TMEM114: variants seen among roughly 807,000 people sequenced by gnomAD.
TMEM114 encodes the protein claudin-26.
TMEM114 carries 6 observed loss-of-function variants against 6.2 expected under a neutral mutation model. The observed-to-expected ratio is 0.97, with a 90% CI of 0.53 to 1.91. The LOEUF (loss-of-function observed/expected upper bound fraction) is 1.91. TMEM114 is among the 40% of genes most tolerant of loss of function. The pLI is 0.01. For synonymous variants in TMEM114, 104 were observed against 73.0 expected (o/e 1.42, Z -2.16); for missense variants, 218 against 158.3 (o/e 1.38, Z -2.02).
intron 2 of TMEM114, among the ~76,000 whole-genome samples, chr16:8,587,744 A>G (rs1902359641): frequency 6.6e-6 from 1 of 152,216 alleles, no homozygotes; most frequent in South Asian, 2.1e-4. Flanking sequence ...TTGAGAGACT[A>G]AGGCAGGAAG....
intron 2 of TMEM114, among the ~76,000 whole-genome samples, chr16:8,558,697 C>G (rs1013858718): frequency 1.3e-5 from 2 of 152,104 alleles, no homozygotes; most frequent in Non-Finnish European, 2.9e-5. Flanking sequence ...CTCAGGGCCC[C>G]ATTGACAGAA....
intron 2 of TMEM114, among the ~76,000 whole-genome samples, chr16:8,555,417 T>C (rs1235788838): frequency 1.3e-5 from 2 of 152,170 alleles, no homozygotes; most frequent in South Asian, 2.1e-4. Flanking sequence ...TTTAATGATA[T>C]ACTAATTAAG....
intron 3 of TMEM114, 56 bp downstream of exon 3, chr16:8,572,031 C>T: frequency 6.8e-7 from 1 of 1,473,862 alleles, no homozygotes; most frequent in Non-Finnish European, 9.0e-7. Context: ...ATACACAGTA[C>T]CCATTGCCCA....
intron 2 of TMEM114, among the ~76,000 whole-genome samples, chr16:8,564,007 G>C (rs1346010967): frequency 1.3e-5 from 2 of 151,462 alleles, no homozygotes; most frequent in East Asian, 3.8e-4. Context: ...ATGAGTGAGT[G>C]AATGAGTATG....
At chr16:8,554,800 C>G (rs1900954560) in intron 2 of TMEM114, among the ~76,000 whole-genome samples, 1 of 152,164 alleles carries the variant, frequency 6.6e-6, no homozygotes. Flanking sequence ...ATGCAACGGC[C>G]ACAACAACCC....
chr16:8,534,646 G>A (rs886836865), downstream of TMEM114, among the ~76,000 whole-genome samples: 1 of 152,204 alleles, frequency 6.6e-6, no homozygotes, highest in Non-Finnish European at 1.5e-5. Context: ...CAGAGGTGCT[G>A]GTGGATAGGT....
Position 8,589,365 on chromosome 16 carries a change from C to T in TMEM114, c.221-72G>A, listed in dbSNP as rs1396071736. ...TGCAGCACCCTCGTCTGCGGCTTTG[C>T]CCCCATGCTCACCCTAAGTGCCCCA... On this transcript the variant is annotated intron_variant, in intron 1 of 3. Coordinates refer to ENST00000620492, the MANE Select transcript of TMEM114 (RefSeq NM_001146336.2). 1.5e-5 allele frequency: 6 copies of T among 398,700 alleles called. No homozygotes were observed. In the Admixed American group the frequency reaches 2.2e-4, roughly 15 times the overall value. 24.7% of individuals were successfully genotyped at this position (398,700 alleles called of 1,614,324 possible). A position where few individuals can be genotyped will look rare whatever the true frequency, so the allele number is the denominator to read the frequency against.
At chr16:8,553,398 T>G (rs1368252363) in intron 2 of TMEM114, among the ~76,000 whole-genome samples, 1 of 152,146 alleles carries the variant, frequency 6.6e-6, no homozygotes, top group Non-Finnish European at 1.5e-5. Flanking sequence ...ATTCAAGGAC[T>G]TGAATCTTTT....
At chr16:8,561,607 G>C (rs1358834242) in intron 2 of TMEM114, among the ~76,000 whole-genome samples, 2 of 152,236 alleles carry the variant, frequency 1.3e-5, no homozygotes, top group African/African-American at 4.8e-5. Context: ...ATGAGCATAT[G>C]AATGAGTAAG....
intron 2 of TMEM114, among the ~76,000 whole-genome samples, chr16:8,580,685 A>C (rs1261714869): frequency 6.6e-6 from 1 of 151,902 alleles, no homozygotes; most frequent in Middle Eastern, 3.2e-3. Flanking sequence ...ACACTTGATT[A>C]TACTTTTTTT....
intron 2 of TMEM114, among the ~76,000 whole-genome samples, chr16:8,563,891 G>A (rs1453775025): frequency 6.7e-6 from 1 of 150,270 alleles, no homozygotes; most frequent in Non-Finnish European, 1.5e-5. Context: ...GTGAATTAGT[G>A]AGTGAATGAA....
chr16:8,588,069 T>A (rs2141704534), intron 2 of TMEM114, among the ~76,000 whole-genome samples: 1 of 152,152 alleles, frequency 6.6e-6, no homozygotes, highest in South Asian at 2.1e-4. Context: ...GCAGATCACT[T>A]GAGGTCAGGA....
At chr16:8,563,518 T>A (rs900382493) in intron 2 of TMEM114, among the ~76,000 whole-genome samples, 145 of 149,908 alleles carry the variant, frequency 9.7e-4, no homozygotes, top group Non-Finnish European at 1.8e-3. Context: ...AGGAAAAGAG[T>A]GAGTGAATGA....
intron 2 of TMEM114, among the ~76,000 whole-genome samples, chr16:8,543,600 G>T (rs1186459608): frequency 6.6e-6 from 1 of 151,884 alleles, no homozygotes; most frequent in African/African-American, 2.4e-5. Context: ...ACTCAGCTCA[G>T]ATGTCATCTC....
rs1266319654 is a variant in TMEM114 at position 8,584,940 on chromosome 16, A to AAAG, written c.301+4270_301+4272dup. On this transcript the variant is annotated intron_variant, in intron 2 of 3. Transcript: ENST00000620492. Reference sequence around the variant, plus strand: ...GCCGTCTCAAAAAAAAAAAAAAAAAAAAGAAGAAGAAGAAGAAAAGAAAAG... The same window carrying AAAG: ...GCCGTCTCAAAAAAAAAAAAAAAAAAAAGAAGAAGAAGAAGAAGAAAAGAAAAG... Among the ~76,000 whole-genome samples, 1,246 of 146,668 alleles carry AAAG rather than the reference A, an allele frequency of 8.5e-3. 17 individuals carry two copies. The highest frequency in any genetic ancestry group is 0.016 in the Middle Eastern group (4 of 254).
chr16:8,561,490 C>G (rs1339041316), intron 2 of TMEM114, among the ~76,000 whole-genome samples: 3 of 152,202 alleles, frequency 2.0e-5, no homozygotes, highest in African/African-American at 7.2e-5. Context: ...ATGTCAGCTT[C>G]AAAAGGCAGG....
chr16:8,542,141 G>A (rs976942950), intron 2 of TMEM114, among the ~76,000 whole-genome samples: 13 of 122,934 alleles, frequency 1.1e-4, no homozygotes, highest in South Asian at 8.5e-4. Context: ...AGGATGATTC[G>A]TGGGGGGGGG....
intron 2 of TMEM114, among the ~76,000 whole-genome samples, chr16:8,574,606 T>TTTC (rs71396281): frequency 2.0e-5 from 3 of 151,162 alleles, no homozygotes; most frequent in Admixed American, 6.6e-5. Flanking sequence ...TCTTTCTTTC[T>TTTC]TTTTCAGGGA....
intron 2 of TMEM114, among the ~76,000 whole-genome samples, chr16:8,550,975 C>T (rs904593218): frequency 6.6e-6 from 1 of 152,318 alleles, no homozygotes; most frequent in Middle Eastern, 3.4e-3. Flanking sequence ...TGCAGAACTA[C>T]AAAGATGAAT....
Sources: allele counts gnomAD v4.1 joint callset (sites outside exome capture counted in the v4.1 genomes callset), GRCh38; gene constraint gnomAD v4.1.1; transcripts MANE v1.5; gene names NCBI Gene and HGNC (gene_info 2026-07-23, HGNC 2026-07-21).